The following OR10J1 variants were observed in gnomAD, a reference collection of about 807,000 sequenced individuals.
The protein encoded by OR10J1 is olfactory receptor family 10 subfamily J member 1.
For synonymous variants in OR10J1, 202 were observed against 143.8 expected (o/e 1.40, Z -2.89); for missense variants, 474 against 376.6 (o/e 1.26, Z -2.14).
chr1:159,440,142 A>T lies in OR10J1; in HGVS notation c.351A>T (p.Ala117=), dbSNP rs775030927. Reference sequence around the variant, plus strand: ...TCACTAACTGCTTCCTGCTCACAGCAATGGGATATGACCGCTATGTGGCCA... The same window carrying T: ...TCACTAACTGCTTCCTGCTCACAGCTATGGGATATGACCGCTATGTGGCCA... ...FGITNCFLLT[A]MGYDRYVAIC... is the part of the protein sequence containing the mutation. The change falls in exon 1 of 1, where the codon GCA becomes GCT. Residue 117 remains alanine (A), a synonymous_variant. Coordinates refer to ENST00000423932, the MANE Select transcript of OR10J1 (RefSeq NM_012351.3). 2 of 1,614,166 alleles carry T rather than the reference A, an allele frequency of 1.2e-6. No individual in the cohort carries two copies. Among genetic ancestry groups the T allele is most frequent in the South Asian group, 2.2e-5 (2 of 91,078 alleles).
chr1:159,406,563 T>C, the OR10J1 span, among the ~76,000 whole-genome samples: 4 of 152,040 alleles, frequency 2.6e-5, no homozygotes, highest in Admixed American at 6.6e-5. Flanking sequence ...AAGAGACATC[T>C]AATGACCTAC....
the OR10J1 span, among the ~76,000 whole-genome samples, chr1:159,401,283 G>T: frequency 1.3e-5 from 2 of 151,660 alleles, no homozygotes; most frequent in South Asian, 2.1e-4. Context: ...ATTAAAATTT[G>T]CAAAACACAA....
At chr1:159,414,778 G>A in the OR10J1 span, among the ~76,000 whole-genome samples, 1 of 151,978 alleles carries the variant, frequency 6.6e-6, no homozygotes, top group East Asian at 1.9e-4. Context: ...ATTCTAACCA[G>A]GGTAAGATGA....
chr1:159,417,485 A>T, the OR10J1 span, among the ~76,000 whole-genome samples: 1 of 152,178 alleles, frequency 6.6e-6, no homozygotes, highest in Admixed American at 6.6e-5. Flanking sequence ...AAGTCTTACG[A>T]GATCTGATGT....
chr1:159,438,776 C>T (rs558174959), upstream of OR10J1, among the ~76,000 whole-genome samples: 1 of 152,238 alleles, frequency 6.6e-6, no homozygotes, highest in East Asian at 1.9e-4. Context: ...AATTTAAATA[C>T]CCTAGAGAAG....
the OR10J1 span, among the ~76,000 whole-genome samples, chr1:159,409,439 C>T: frequency 6.7e-6 from 1 of 149,122 alleles, no homozygotes; most frequent in Non-Finnish European, 1.5e-5. Flanking sequence ...TAAGTCAGAA[C>T]ATTGTGCTTT....
the OR10J1 span, among the ~76,000 whole-genome samples, chr1:159,411,873 A>C: frequency 2.6e-5 from 4 of 152,046 alleles, no homozygotes; most frequent in Non-Finnish European, 4.4e-5. Flanking sequence ...AGGGTATTCA[A>C]TTAGGAAAAG....
At chr1:159,401,995 A>G in the OR10J1 span, among the ~76,000 whole-genome samples, 197 of 152,092 alleles carry the variant, frequency 1.3e-3, no homozygotes, top group Non-Finnish European at 2.5e-3. Context: ...GGACAAAACC[A>G]TATGATCATT....
At chr1:159,401,045 C>T in the OR10J1 span, among the ~76,000 whole-genome samples, 1 of 151,368 alleles carries the variant, frequency 6.6e-6, no homozygotes, top group South Asian at 2.1e-4. Context: ...TTGAAAACTT[C>T]TTGAAACAAA....
chr1:159,413,311 C>A, the OR10J1 span, among the ~76,000 whole-genome samples: 1 of 151,986 alleles, frequency 6.6e-6, no homozygotes, highest in Non-Finnish European at 1.5e-5. Context: ...ACTAGAAATA[C>A]CATTTGACCC....
the OR10J1 span, among the ~76,000 whole-genome samples, chr1:159,411,119 C>G: frequency 5.3e-5 from 8 of 151,594 alleles, no homozygotes; most frequent in Non-Finnish European, 1.0e-4. Flanking sequence ...TTACTTCCAA[C>G]TATGTGGTCA....
At chr1:159,428,278 C>A in the OR10J1 span, among the ~76,000 whole-genome samples, 1 of 152,054 alleles carries the variant, frequency 6.6e-6, no homozygotes, top group Non-Finnish European at 1.5e-5. Context: ...ACATTTTTCT[C>A]CTTTGTCAGA....
upstream of OR10J1, chr1:159,433,192 G>T (rs530965412): frequency 5.8e-4 from 229 of 398,036 alleles, 2 homozygotes; most frequent in African/African-American, 2.2e-3. Context: ...AGGTGTCACA[G>T]TGAGAGGGAC....
the OR10J1 span, chr1:159,405,995 C>T: frequency 6.7e-6 from 3 of 446,958 alleles, no homozygotes; most frequent in Non-Finnish European, 1.3e-5. Flanking sequence ...TGCAGAAGAC[C>T]ACATAGCAAT....
chr1:159,414,028 A>G, the OR10J1 span, among the ~76,000 whole-genome samples: 5 of 152,056 alleles, frequency 3.3e-5, no homozygotes, highest in Non-Finnish European at 5.9e-5. Flanking sequence ...CAGTGAATGT[A>G]TAATGATCAA....
At chr1:159,431,278 A>G in the OR10J1 span, among the ~76,000 whole-genome samples, 3 of 152,176 alleles carry the variant, frequency 2.0e-5, no homozygotes, top group Non-Finnish European at 4.4e-5. Flanking sequence ...GCCACTGTGA[A>G]TTTGAACCTT....
At chr1:159,420,316 ATTTAAG>A in the OR10J1 span, among the ~76,000 whole-genome samples, 1 of 152,156 alleles carries the variant, frequency 6.6e-6, no homozygotes, top group South Asian at 2.1e-4. Context: ...ATGTATTTAC[ATTTAAG>A]TTTATTATGG....
chr1:159,419,652 C>T, the OR10J1 span, among the ~76,000 whole-genome samples: 1 of 152,232 alleles, frequency 6.6e-6, no homozygotes, highest in South Asian at 2.1e-4. Context: ...CAAAGTTCCT[C>T]TTGATTTCTA....
the OR10J1 span, among the ~76,000 whole-genome samples, chr1:159,402,226 G>A: frequency 6.6e-6 from 1 of 151,964 alleles, no homozygotes; most frequent in Non-Finnish European, 1.5e-5. Flanking sequence ...TTTCATCACT[G>A]TTATTCAGTA....
Sources: gnomAD v4.1 joint callset for allele counts (sites outside exome capture counted in the v4.1 genomes callset) on GRCh38, gnomAD v4.1.1 for gene constraint, MANE v1.5 for transcripts, NCBI Gene and HGNC (gene_info 2026-07-23, HGNC 2026-07-21) for gene names.